The following LYPLAL1 variants were observed in gnomAD, a reference collection of about 807,000 sequenced individuals.
LYPLAL1 encodes the protein lysophospholipase-like protein 1.
Under a neutral mutation model 19.7 loss-of-function variants are expected in LYPLAL1, and 23 were observed. The ratio of observed to expected loss-of-function variants is 1.17; its 90% CI spans 0.84 to 1.65. The LOEUF (loss-of-function observed/expected upper bound fraction) is 1.65. Ranked by LOEUF, LYPLAL1 falls within the 40% of genes most tolerant of loss-of-function variation. LYPLAL1 has a pLI of 0.00. For missense variants in LYPLAL1, 355 were observed against 279.4 expected, an observed-to-expected ratio of 1.27 and a Z score of -1.93; for synonymous variants, 119 against 96.3, an observed-to-expected ratio of 1.24 and a Z score of -1.38.
chr1:219,350,751 A>G, the LYPLAL1 span, among the ~76,000 whole-genome samples: 1 of 152,346 alleles, frequency 6.6e-6, no homozygotes, highest in Admixed American at 6.5e-5. Context: ...CACTTAACCC[A>G]GGAAACTCGA....
the LYPLAL1 span, among the ~76,000 whole-genome samples, chr1:219,220,942 C>T: frequency 6.6e-6 from 1 of 152,268 alleles, no homozygotes; most frequent in East Asian, 1.9e-4. Context: ...AGTAAGGCAG[C>T]ATTTACAACC....
chr1:219,289,484 AT>A, the LYPLAL1 span, among the ~76,000 whole-genome samples: 2 of 152,206 alleles, frequency 1.3e-5, no homozygotes, highest in Non-Finnish European at 2.9e-5. Flanking sequence ...GATCTTACAG[AT>A]TAATAGCAGA....
the LYPLAL1 span, among the ~76,000 whole-genome samples, chr1:219,275,980 T>A: frequency 3.3e-5 from 5 of 152,316 alleles, no homozygotes; most frequent in Middle Eastern, 3.4e-3. Flanking sequence ...ATTAAAGCTA[T>A]CATCTGTGAT....
At chr1:219,393,149 TG>T in the LYPLAL1 span, among the ~76,000 whole-genome samples, 2 of 152,212 alleles carry the variant, frequency 1.3e-5, no homozygotes, top group African/African-American at 4.8e-5. Context: ...ACATATCTTA[TG>T]GCGGGATTAT....
the LYPLAL1 span, among the ~76,000 whole-genome samples, chr1:219,270,619 C>T: frequency 1.3e-5 from 2 of 152,150 alleles, no homozygotes; most frequent in Non-Finnish European, 2.9e-5. Context: ...AAGATGGAGT[C>T]GCTGTGCTGA....
At chr1:219,406,672 T>A in the LYPLAL1 span, among the ~76,000 whole-genome samples, 1 of 152,220 alleles carries the variant, frequency 6.6e-6, no homozygotes, top group Admixed American at 6.5e-5. Flanking sequence ...TGAAACCCTA[T>A]GCTGAACCCA....
the LYPLAL1 span, among the ~76,000 whole-genome samples, chr1:219,277,443 T>G: frequency 6.6e-6 from 1 of 152,066 alleles, no homozygotes; most frequent in African/African-American, 2.4e-5. Context: ...AGAGAGACAC[T>G]GTGGGTTTAG....
the LYPLAL1 span, among the ~76,000 whole-genome samples, chr1:219,383,321 TTC>T: frequency 6.6e-6 from 1 of 152,244 alleles, no homozygotes; most frequent in Non-Finnish European, 1.5e-5. Flanking sequence ...GAGTTGATAT[TTC>T]AAAGCTTTGA....
intron 1 of LYPLAL1, chr1:219,174,864 G>A: frequency 2.0e-6 from 2 of 980,296 alleles, no homozygotes; most frequent in Non-Finnish European, 2.4e-6. Context: ...AATCCAATTA[G>A]TTTGAGTCAG....
chr1:219,226,087 G>A, the LYPLAL1 span, among the ~76,000 whole-genome samples: 1 of 152,108 alleles, frequency 6.6e-6, no homozygotes, highest in African/African-American at 2.4e-5. Flanking sequence ...CCATGTTTCT[G>A]TATTCATCTT....
the LYPLAL1 span, among the ~76,000 whole-genome samples, chr1:219,359,002 A>G: frequency 6.6e-6 from 1 of 152,178 alleles, no homozygotes; most frequent in African/African-American, 2.4e-5. Flanking sequence ...TTATAGAGAC[A>G]TAAGTTTACT....
At chr1:219,184,086 T>C (rs920289738) in intron 2 of LYPLAL1, among the ~76,000 whole-genome samples, 2 of 151,894 alleles carry the variant, frequency 1.3e-5, no homozygotes, top group Non-Finnish European at 2.9e-5. Context: ...TCTTCAATTT[T>C]ACAAAACACC....
At chr1:219,196,357 A>C (rs1184744060) in intron 3 of LYPLAL1, among the ~76,000 whole-genome samples, 4 of 152,036 alleles carry the variant, frequency 2.6e-5, no homozygotes, top group Non-Finnish European at 5.9e-5. Flanking sequence ...AAAATTCAAA[A>C]ATTCTTGAAT....
At chr1:219,277,597 G>C in the LYPLAL1 span, among the ~76,000 whole-genome samples, 14 of 152,294 alleles carry the variant, frequency 9.2e-5, no homozygotes, top group Admixed American at 8.5e-4. Flanking sequence ...TTTAGGATCA[G>C]AAGCTGGAAA....
chr1:219,435,826 A>C, the LYPLAL1 span, among the ~76,000 whole-genome samples: 2 of 152,072 alleles, frequency 1.3e-5, no homozygotes, highest in African/African-American at 4.8e-5. Context: ...ATTCCGTCCC[A>C]AAAATGATAA....
chr1:219,173,929 C>G lies in LYPLAL1; in HGVS notation c.39C>G (p.Ile13Met), dbSNP rs372613753. ...CGGGGTCGGTTCTGCAGCGCTGTAT[C>G]GTGTCGCCGGCAGGGAGGCATAGCG... Reference protein sequence around the residue: ...AASGSVLQRCIVSPAGRHSAS... With the variant: ...AASGSVLQRCMVSPAGRHSAS... The change falls in exon 1 of 5, where the codon ATC becomes ATG. Residue 13 changes from isoleucine (I) to methionine (M), a missense_variant. Physicochemically the swap from Ile to Met is conservative, Grantham distance 10. Coordinates refer to ENST00000366928, the MANE Select transcript of LYPLAL1 (RefSeq NM_138794.5). The G allele has an allele frequency of 5.6e-6, 9 of 1,613,754 alleles. No homozygotes were observed. Among genetic ancestry groups the G allele is most frequent in the East Asian group, 2.2e-5 (1 of 44,874 alleles).
chr1:219,205,558 G>T (rs1658509813), intron 3 of LYPLAL1, among the ~76,000 whole-genome samples: 1 of 152,002 alleles, frequency 6.6e-6, no homozygotes, highest in Non-Finnish European at 1.5e-5. Flanking sequence ...ATTCTGTACA[G>T]TACAAAATAT....
the LYPLAL1 span, among the ~76,000 whole-genome samples, chr1:219,359,634 G>A: frequency 6.6e-6 from 1 of 152,208 alleles, no homozygotes; most frequent in South Asian, 2.1e-4. Context: ...AACATGGAGT[G>A]CATAGCAAAT....
the LYPLAL1 span, among the ~76,000 whole-genome samples, chr1:219,313,242 C>T: frequency 2.0e-5 from 3 of 152,190 alleles, no homozygotes; most frequent in East Asian, 5.8e-4. Flanking sequence ...ACCGCCACTA[C>T]TGAGTTGTGA....
Sources: gnomAD v4.1 joint callset for allele counts (sites outside exome capture counted in the v4.1 genomes callset) on GRCh38, gnomAD v4.1.1 for gene constraint, MANE v1.5 for transcripts, NCBI Gene and HGNC (gene_info 2026-07-23, HGNC 2026-07-21) for gene names.